The following PARP16 variants were observed in gnomAD, a reference collection of about 807,000 sequenced individuals.
PARP16 encodes protein mono-ADP-ribosyltransferase PARP16.
A neutral mutation model predicts 35.0 loss-of-function variants in PARP16; 31 were observed. That is an observed-to-expected ratio of 0.88 (90% confidence interval 0.66 to 1.19). PARP16 has a LOEUF of 1.19. PARP16 is among the 50% of genes most tolerant of loss of function. PARP16 has a pLI of 0.00. For missense variants in PARP16, 424 were observed against 411.2 expected (o/e 1.03, Z -0.27); for synonymous variants, 162 against 169.5 (o/e 0.96, Z 0.34).
At chr15:65,267,443 T>A (rs2089934288) in intron 2 of PARP16, among the ~76,000 whole-genome samples, 1 of 149,912 alleles carries the variant, frequency 6.7e-6, no homozygotes, top group Non-Finnish European at 1.5e-5. Flanking sequence ...CCGTCTCTAC[T>A]AAAAATACAA....
In PARP16 at chr15:65,286,464, T is replaced by G. The variant is rs774713506; in HGVS notation, c.-38A>C. ...CGCGTTGCCGGGGTAGACGCGCTGGTTAGGGGCAAGGGCGAGCGTGCGTTC... is the reference window on the plus strand; with the variant it reads ...CGCGTTGCCGGGGTAGACGCGCTGGGTAGGGGCAAGGGCGAGCGTGCGTTC... On this transcript the variant is annotated 5_prime_UTR_variant, in exon 1 of 6. Transcript: ENST00000649807. 6 of 1,416,260 alleles carry G rather than the reference T, an allele frequency of 4.2e-6. No homozygotes were observed. Among genetic ancestry groups the G allele is most frequent in the African/African-American group, 3.0e-5 (2 of 66,514 alleles). 87.7% of individuals were successfully genotyped at this position (1,416,260 alleles called of 1,614,324 possible).
chr15:65,277,811 C>T (rs1477647977), intron 1 of PARP16, among the ~76,000 whole-genome samples: 1 of 152,214 alleles, frequency 6.6e-6, no homozygotes, highest in Admixed American at 6.5e-5. Context: ...TATTGGAATT[C>T]CCCCCAATCC....
chr15:65,285,431 G>C, intron 1 of PARP16: 1 of 287,320 alleles, frequency 3.5e-6, no homozygotes. Context: ...GAGCCACCGA[G>C]CCTGGCCCCT....
At chr15:65,251,040 T>A (rs552445870) in intron 2 of PARP16, among the ~76,000 whole-genome samples, 7 of 152,146 alleles carry the variant, frequency 4.6e-5, no homozygotes, top group African/African-American at 1.7e-4. Flanking sequence ...TGCACCACCA[T>A]GCCCAGTTAA....
chr15:65,269,757 G>C (rs1472766841), intron 2 of PARP16, among the ~76,000 whole-genome samples: 1 of 152,096 alleles, frequency 6.6e-6, no homozygotes, highest in Non-Finnish European at 1.5e-5. Context: ...TGACAATCCT[G>C]GGTCCCAATA....
chr15:65,245,433 C>T (rs1173468427), intron 3 of PARP16, among the ~76,000 whole-genome samples: 1 of 152,204 alleles, frequency 6.6e-6, no homozygotes, highest in African/African-American at 2.4e-5. Context: ...CAGGGGAAGC[C>T]CAGCTCTCTG....
Position 65,286,824 on chromosome 15 carries a change from G to C in PARP16, c.-398C>G, listed in dbSNP as rs1269002019. ...CTGGGGCGGGAAGCAGCCCCCGGGG[G>C]ACGGCGGGCAGAGCCCACTCTCCGC... On this transcript the variant is annotated 5_prime_UTR_variant, in exon 1 of 6. Coordinates refer to ENST00000649807, the MANE Select transcript of PARP16 (RefSeq NM_001316943.2). The C allele has an allele frequency of 5.6e-6, 1 of 180,150 alleles. No individual in the cohort carries two copies. The allele number at this position is 180,150 out of a possible 1,614,324, so 11.2% of individuals were successfully genotyped here. A position where few individuals can be genotyped will look rare whatever the true frequency, so the allele number is the denominator to read the frequency against.
At chr15:65,274,033 G>A (rs1327874656) in intron 1 of PARP16, among the ~76,000 whole-genome samples, 1 of 151,892 alleles carries the variant, frequency 6.6e-6, no homozygotes, top group Non-Finnish European at 1.5e-5. Context: ...GCTCACTGCA[G>A]GATCCATCCC....
intron 1 of PARP16, chr15:65,285,494 A>G: frequency 2.5e-6 from 1 of 404,688 alleles, no homozygotes; most frequent in Non-Finnish European, 4.9e-6. Context: ...ATCTGATACC[A>G]ATTAAATGGT....
intron 1 of PARP16, among the ~76,000 whole-genome samples, chr15:65,280,027 C>T (rs963632628): frequency 1.3e-5 from 2 of 151,838 alleles, no homozygotes; most frequent in Non-Finnish European, 2.9e-5. Flanking sequence ...GGCAACATAG[C>T]GAGACTCCTG....
At chr15:65,279,611 G>A (rs1460682982) in intron 1 of PARP16, among the ~76,000 whole-genome samples, 1 of 152,128 alleles carries the variant, frequency 6.6e-6, no homozygotes, top group East Asian at 1.9e-4. Flanking sequence ...GAGAGGAGCA[G>A]AGAAATAAAA....
intron 2 of PARP16, among the ~76,000 whole-genome samples, chr15:65,269,335 T>G (rs1339402622): frequency 6.6e-6 from 1 of 152,146 alleles, no homozygotes; most frequent in Non-Finnish European, 1.5e-5. Context: ...TAGCTGGGAT[T>G]ACAGGCTCCC....
At chr15:65,236,189 CCTTT>C (rs2088874775) in intron 3 of PARP16, among the ~76,000 whole-genome samples, 1 of 152,138 alleles carries the variant, frequency 6.6e-6, no homozygotes, top group Non-Finnish European at 1.5e-5. Context: ...CACCACATCT[CCTTT>C]CTGTTTGTCA....
intron 3 of PARP16, among the ~76,000 whole-genome samples, chr15:65,235,861 G>GTTTT (rs752611247): frequency 4.9e-5 from 6 of 122,012 alleles, no homozygotes; most frequent in African/African-American, 6.1e-5. Context: ...TGCAGATATG[G>GTTTT]TTTTTTTTTT....
intron 2 of PARP16, among the ~76,000 whole-genome samples, chr15:65,249,109 CA>C (rs373320083): frequency 6.0e-4 from 91 of 152,328 alleles, no homozygotes; most frequent in African/African-American, 2.1e-3. Context: ...TGCTTCTCTG[CA>C]AAAACATGGG....
At chr15:65,278,013 G>A (rs1431130265) in intron 1 of PARP16, among the ~76,000 whole-genome samples, 1 of 152,232 alleles carries the variant, frequency 6.6e-6, no homozygotes, top group Admixed American at 6.5e-5. Flanking sequence ...CCAAGAGGAA[G>A]GCAGGTATTT....
downstream of PARP16, among the ~76,000 whole-genome samples, chr15:65,231,525 C>T (rs1254317329): frequency 1.3e-5 from 2 of 151,438 alleles, no homozygotes; most frequent in Non-Finnish European, 2.9e-5. Flanking sequence ...TCTTGGCTCA[C>T]TGCAACTTCT....
At chr15:65,279,625 T>C (rs1024249024) in intron 1 of PARP16, among the ~76,000 whole-genome samples, 1 of 152,320 alleles carries the variant, frequency 6.6e-6, no homozygotes. Flanking sequence ...AATAAAAAGG[T>C]AATCTGAGAG....
chr15:65,261,115 G>T, intron 4 of PARP16, 89 bp from the exon 5 acceptor site: 2 of 1,286,600 alleles, frequency 1.6e-6, no homozygotes, highest in Non-Finnish European at 1.1e-6. Context: ...GCCTCCTGGT[G>T]CTGAGGGGGA....
Sources: gnomAD v4.1 joint callset for allele counts (sites outside exome capture counted in the v4.1 genomes callset) on GRCh38, gnomAD v4.1.1 for gene constraint, MANE v1.5 for transcripts, NCBI Gene and HGNC (gene_info 2026-07-23, HGNC 2026-07-21) for gene names.